The following KNG1 variants were observed in gnomAD, a reference collection of about 807,000 sequenced individuals.
KNG1 encodes the protein kininogen 1, also known as kininogen-1.
KNG1 carries 23 observed loss-of-function variants against 47.8 expected under a neutral mutation model. That is an observed-to-expected ratio of 0.48 (90% CI 0.35 to 0.68). The LOEUF is 0.68. Among genes scored for constraint, KNG1 ranks in the 30% least tolerant of loss-of-function variants. KNG1 has a pLI of 0.01. For missense variants in KNG1, 762 were observed against 790.2 expected (o/e 0.96, Z 0.43); for synonymous variants, 277 against 277.0 (o/e 1.00, Z 0.00).
chr3:186,735,488 G>A (rs1306179469), intron 7 of KNG1, among the ~76,000 whole-genome samples: 1 of 151,812 alleles, frequency 6.6e-6, no homozygotes, highest in African/African-American at 2.4e-5. Context: ...TGTGGTGGTG[G>A]GTGCCTATAA....
In KNG1 at chr3:186,739,581, A is replaced by G. The variant is rs141116480; in HGVS notation, c.1125+167A>G. ...TGATCTCTGTTTAATGGCTAGAAAG[A>G]AGAGTAACAATCCTCCTGATCACTT... On this transcript the variant is annotated intron_variant, in intron 9 of 9. Transcript: ENST00000644859. 1.8e-3 allele frequency among the ~76,000 whole-genome samples: 277 copies of G among 152,306 alleles called. 1 individual carries two copies. Among genetic ancestry groups the G allele is most frequent in the African/African-American group, 6.3e-3 (260 of 41,562 alleles).
chr3:186,717,823 ACCAC>A, intron 1 of KNG1, 86 bp downstream of exon 1: 1 of 896,166 alleles, frequency 1.1e-6, no homozygotes, highest in Non-Finnish European at 1.8e-6. Context: ...CACACATACC[ACCAC>A]CAGCACCCAC....
intron 2 of KNG1, chr3:186,720,533 G>T (rs903185634): frequency 2.8e-6 from 1 of 354,650 alleles, no homozygotes; most frequent in South Asian, 2.5e-5. Flanking sequence ...GCGAGGGGAG[G>T]GGGTGGGTGC....
At chr3:186,732,785 T>C in intron 7 of KNG1, 111 bp downstream of exon 7, 1 of 866,878 alleles carries the variant, frequency 1.2e-6, no homozygotes, top group Non-Finnish European at 2.0e-6. Context: ...TTTGATAATG[T>C]GATTTGGTGC....
chr3:186,723,665 T>G (rs753265439), intron 3 of KNG1, among the ~76,000 whole-genome samples: 1 of 152,176 alleles, frequency 6.6e-6, no homozygotes, highest in Non-Finnish European at 1.5e-5. Context: ...CTTTTTTTTT[T>G]TCATTTTGAG....
chr3:186,731,667 T>C (rs1050054002), intron 6 of KNG1, 38 bp downstream of exon 6: 17 of 1,298,426 alleles, frequency 1.3e-5, no homozygotes, highest in African/African-American at 7.3e-5. Context: ...AATAGAGGAA[T>C]AGTGGTCCCA....
chr3:186,720,482 G>A, intron 2 of KNG1: 1 of 410,884 alleles, frequency 2.4e-6, no homozygotes, highest in Non-Finnish European at 4.5e-6. Context: ...TCAGACTCCA[G>A]AGAGATAACA....
At chr3:186,735,096 A>G (rs710448) in intron 7 of KNG1, among the ~76,000 whole-genome samples, 56,708 of 152,098 alleles carry the variant, frequency 0.37, 10,686 homozygotes, top group South Asian at 0.48. Flanking sequence ...AGGGACGCCA[A>G]TCTATGCTAT....
intron 1 of KNG1, 85 bp downstream of exon 1, chr3:186,717,822 C>G: frequency 1.1e-6 from 1 of 884,724 alleles, no homozygotes; most frequent in South Asian, 1.4e-5. Context: ...ACACACATAC[C>G]ACCACCAGCA....
chr3:186,726,832 C>T (rs1720385502), intron 4 of KNG1, among the ~76,000 whole-genome samples: 1 of 152,142 alleles, frequency 6.6e-6, no homozygotes, highest in South Asian at 2.1e-4. Flanking sequence ...AAAGACCACT[C>T]CCCTCTAAAG....
At chr3:186,717,833 CCCACCA>C (rs201806239) in intron 1 of KNG1, 96 bp downstream of exon 1, 2 of 717,126 alleles carry the variant, frequency 2.8e-6, no homozygotes, top group African/African-American at 2.9e-5. Flanking sequence ...ACCACCAGCA[CCCACCA>C]CCACCACCCA....
chr3:186,740,302 T>C (rs1461600908), intron 9 of KNG1, among the ~76,000 whole-genome samples: 1 of 152,230 alleles, frequency 6.6e-6, no homozygotes, highest in Admixed American at 6.5e-5. Context: ...AAATGCTTCC[T>C]CTGTCCCAGG....
Position 186,717,571 on chromosome 3 carries a change from G to C in KNG1, c.29G>C (p.Cys10Ser). The part of the protein sequence containing the change: MKLITILFL[C>S]SRLLLSLTQE... ...AAACTAATTACCATCCTTTTCCTCTGCTCCAGGCTGCTACTAAGTTTAACC... is the reference window on the plus strand; with the variant it reads ...AAACTAATTACCATCCTTTTCCTCTCCTCCAGGCTGCTACTAAGTTTAACC... The change falls in exon 1 of 10, where the codon TGC becomes TCC. Residue 10 changes from cysteine (C) to serine (S), a missense_variant. Coordinates refer to ENST00000644859, the MANE Select transcript of KNG1 (RefSeq NM_001102416.3). 6.2e-7 allele frequency: 1 copy of C among 1,612,034 alleles called. No homozygotes were observed. Among genetic ancestry groups the C allele is most frequent in the Non-Finnish European group, 8.5e-7 (1 of 1,178,820 alleles).
intron 7 of KNG1, 83 bp downstream of exon 7, chr3:186,732,757 G>C: frequency 1.8e-6 from 2 of 1,095,734 alleles, no homozygotes; most frequent in Non-Finnish European, 2.8e-6. Flanking sequence ...TCTTGGCTCT[G>C]GATTGGGAAA....
chr3:186,742,305 T>C lies in KNG1; in HGVS notation c.1909T>C (p.Phe637Leu). The C allele has an allele frequency of 4.3e-6, 7 of 1,614,180 alleles. No individual in the cohort carries two copies. The highest frequency in any genetic ancestry group is 1.7e-5 in the Admixed American group (1 of 60,018). The change falls in exon 10 of 10, where the codon TTC becomes CTC. Residue 637 changes from phenylalanine to leucine, a missense_variant. Physicochemically the swap from Phe to Leu is conservative, Grantham distance 22. Transcript: ENST00000644859. ...PTTQMKESYY[F>L]DLTDGLS ...CACACAAATGAAAGAATCTTATTAT[T>C]TCGATCTCACTGATGGCCTTTCTTA...
rs181199777 is a variant in KNG1 at position 186,732,626 on chromosome 3, C to T, written c.882C>T (p.Asn294=). 105 of 1,613,932 alleles carry T rather than the reference C, an allele frequency of 6.5e-5. No individual in the cohort carries two copies. In the East Asian group the frequency reaches 7.6e-4, roughly 12 times the overall value. ...TCACAAAGCTTAATGCAGAGAATAACGCAACTTTCTATTTCAAGATTGACA... is the reference window on the plus strand; with the variant it reads ...TCACAAAGCTTAATGCAGAGAATAATGCAACTTTCTATTTCAAGATTGACA... ...HTITKLNAEN[N]ATFYFKIDNV... The change falls in exon 7 of 10, where the codon AAC becomes AAT. Residue 294 remains asparagine, a synonymous_variant. Transcript: ENST00000644859.
At chr3:186,739,298 C>T (rs764584073) in intron 8 of KNG1, 30 bp from the exon 9 acceptor site, 2 of 1,590,454 alleles carry the variant, frequency 1.3e-6, no homozygotes, top group South Asian at 2.2e-5. Flanking sequence ...ATAACACTGT[C>T]TCTCTTTCGA....
intron 2 of KNG1, chr3:186,720,427 C>G: frequency 1.8e-6 from 1 of 570,010 alleles, no homozygotes; most frequent in Non-Finnish European, 3.1e-6. Context: ...TGGAGAAAGC[C>G]TTTCCATGAG....
chr3:186,742,332 T>A lies in KNG1; in HGVS notation c.*1T>A. ...CGATCTCACTGATGGCCTTTCTTAA[T>A]TTAAGTGGCTATGGGTATTTCTTTC... On this transcript the variant is annotated 3_prime_UTR_variant, in exon 10 of 10. Coordinates refer to ENST00000644859, the MANE Select transcript of KNG1 (RefSeq NM_001102416.3). 4 of 1,613,734 alleles carry A rather than the reference T, an allele frequency of 2.5e-6. No homozygotes were observed. Among genetic ancestry groups the A allele is most frequent in the Non-Finnish European group, 3.4e-6 (4 of 1,179,874 alleles).
Sources: gnomAD v4.1 joint callset for allele counts (sites outside exome capture counted in the v4.1 genomes callset) on GRCh38, gnomAD v4.1.1 for gene constraint, MANE v1.5 for transcripts, NCBI Gene and HGNC (gene_info 2026-07-23, HGNC 2026-07-21) for gene names.